Variants in POU2AF2 observed in about 807,000 individuals in gnomAD.
POU2AF2 encodes POU class 2 homeobox associating factor 2, also known as POU domain class 2-associating factor 2.
the POU2AF2 span, among the ~76,000 whole-genome samples, chr11:111,276,453 A>AAAAAAAAATATATATAT: frequency 2.7e-4 from 10 of 37,640 alleles, no homozygotes; most frequent in Admixed American, 3.6e-4. Context: ...AAAAAAAAAA[A>AAAAAAAAATATATATAT]ATATATATAT....
At chr11:111,268,564 C>T in the POU2AF2 span, among the ~76,000 whole-genome samples, 24 of 141,484 alleles carry the variant, frequency 1.7e-4, 1 homozygote, top group Non-Finnish European at 3.0e-5. Context: ...GATGGAGTCT[C>T]GCTCTGTTGC....
the POU2AF2 span, among the ~76,000 whole-genome samples, chr11:111,256,529 C>T: frequency 6.6e-6 from 1 of 152,252 alleles, no homozygotes. Flanking sequence ...AGTGGAGGAA[C>T]ACCAGTAGAG....
chr11:111,259,822 C>G, the POU2AF2 span, among the ~76,000 whole-genome samples: 1 of 152,154 alleles, frequency 6.6e-6, no homozygotes, highest in Non-Finnish European at 1.5e-5. Context: ...CTTCCTGTCC[C>G]CATCATATTA....
chr11:111,268,457 G>A, the POU2AF2 span, among the ~76,000 whole-genome samples: 1 of 143,934 alleles, frequency 6.9e-6, no homozygotes, highest in Non-Finnish European at 1.5e-5. Context: ...TGTTTTATTG[G>A]TTATTGCTAC....
the POU2AF2 span, among the ~76,000 whole-genome samples, chr11:111,252,097 C>G: frequency 1.3e-5 from 2 of 152,206 alleles, no homozygotes; most frequent in South Asian, 4.1e-4. Flanking sequence ...TAGAGACAGT[C>G]TGCAAATATA....
chr11:111,266,041 A>G, the POU2AF2 span, among the ~76,000 whole-genome samples: 2 of 152,092 alleles, frequency 1.3e-5, no homozygotes, highest in African/African-American at 2.4e-5. Flanking sequence ...CCAAAAACTC[A>G]ATCAGTTTAG....
At chr11:111,280,542 TCTTAC>T in the POU2AF2 span, among the ~76,000 whole-genome samples, 1 of 152,192 alleles carries the variant, frequency 6.6e-6, no homozygotes, top group East Asian at 1.9e-4. Context: ...AGGACTTGAA[TCTTAC>T]CTTTGTCCAG....
the POU2AF2 span, among the ~76,000 whole-genome samples, chr11:111,257,768 T>A: frequency 1.3e-5 from 2 of 152,212 alleles, no homozygotes; most frequent in African/African-American, 4.8e-5. Context: ...CCTTGTCTGC[T>A]CCTAGTTCAG....
chr11:111,276,439 GAAAAA>G, the POU2AF2 span, among the ~76,000 whole-genome samples: 73 of 44,432 alleles, frequency 1.6e-3, 1 homozygote, highest in African/African-American at 4.1e-3. Flanking sequence ...CTACTAAAAA[GAAAAA>G]AAAAAAAAAA....
the POU2AF2 span, among the ~76,000 whole-genome samples, chr11:111,253,169 A>G: frequency 6.6e-6 from 1 of 152,086 alleles, no homozygotes; most frequent in Non-Finnish European, 1.5e-5. Context: ...TCCTCTGACA[A>G]CCATTCAAAT....
the POU2AF2 span, among the ~76,000 whole-genome samples, chr11:111,252,055 T>C: frequency 1.3e-5 from 2 of 152,176 alleles, 1 homozygote; most frequent in South Asian, 4.1e-4. Flanking sequence ...CAGATAAAAA[T>C]CATCAATTAA....
chr11:111,246,193 G>A, the POU2AF2 span, among the ~76,000 whole-genome samples: 1 of 152,136 alleles, frequency 6.6e-6, no homozygotes, highest in East Asian at 1.9e-4. Context: ...AATATATAGT[G>A]AAATTTTATT....
At chr11:111,286,237 A>AT in the POU2AF2 span, 1 of 631,304 alleles carries the variant, frequency 1.6e-6, no homozygotes, top group African/African-American at 1.9e-5. Context: ...ATAAAACAGA[A>AT]TGTTAATTAA....
At chr11:111,276,448 AAAAAAATATATAT>A in the POU2AF2 span, among the ~76,000 whole-genome samples, 1,740 of 52,800 alleles carry the variant, frequency 0.033, 73 homozygotes, top group Non-Finnish European at 0.041. Flanking sequence ...AGAAAAAAAA[AAAAAAATATATAT>A]ATATATATAT....
At chr11:111,283,015 T>C in the POU2AF2 span, among the ~76,000 whole-genome samples, 2 of 151,834 alleles carry the variant, frequency 1.3e-5, no homozygotes, top group Non-Finnish European at 1.5e-5. Context: ...GAAGCTCTTA[T>C]CAGTTTCTGT....
chr11:111,260,795 A>G, the POU2AF2 span, among the ~76,000 whole-genome samples: 1 of 152,368 alleles, frequency 6.6e-6, no homozygotes, highest in African/African-American at 2.4e-5. Context: ...TGTTACAGCC[A>G]TCCTAGAAAA....
At chr11:111,276,453 A>ATATATAT in the POU2AF2 span, among the ~76,000 whole-genome samples, 188 of 37,486 alleles carry the variant, frequency 5.0e-3, 1 homozygote, top group South Asian at 6.7e-3. Context: ...AAAAAAAAAA[A>ATATATAT]ATATATATAT....
At chr11:111,268,522 ATTTTATTTTATTTTATT>A in the POU2AF2 span, among the ~76,000 whole-genome samples, 559 of 90,500 alleles carry the variant, frequency 6.2e-3, 16 homozygotes, top group African/African-American at 0.019. Context: ...ATTTTATTTT[ATTTTATTTTATTTTATT>A]TTATTTTATT....
the POU2AF2 span, among the ~76,000 whole-genome samples, chr11:111,283,757 C>A: frequency 6.6e-6 from 1 of 152,094 alleles, no homozygotes; most frequent in South Asian, 2.1e-4. Context: ...AATATGAATG[C>A]CAAGAGATTA....
Sources: allele counts gnomAD v4.1 joint callset (sites outside exome capture counted in the v4.1 genomes callset), GRCh38; gene constraint gnomAD v4.1.1; transcripts MANE v1.5; gene names NCBI Gene and HGNC (gene_info 2026-07-23, HGNC 2026-07-21).